DAP3: variants seen among roughly 807,000 people sequenced by gnomAD.
DAP3 encodes the protein small ribosomal subunit protein mS29.
Under a neutral mutation model 51.9 loss-of-function variants are expected in DAP3, and 28 were observed. The ratio of observed to expected loss-of-function variants is 0.54; its 90% CI spans 0.40 to 0.74. The LOEUF is 0.74. Ranked by LOEUF, DAP3 falls within the 30% of genes least tolerant of loss-of-function variation. The probability of loss-of-function intolerance (pLI) is 0.00; values close to 1 mark genes in which losing one functional copy is unlikely to be tolerated. For missense variants in DAP3, 458 were observed against 483.5 expected (o/e 0.95, Z 0.49); for synonymous variants, 170 against 170.3 (o/e 1.00, Z 0.01).
chr1:155,730,763 A>G (rs1659156219), intron 9 of DAP3, among the ~76,000 whole-genome samples: 3 of 152,180 alleles, frequency 2.0e-5, no homozygotes, highest in Admixed American at 2.0e-4. Context: ...CTTAATTTTT[A>G]TCTGTCTTTT....
At chr1:155,712,662 G>GTT (rs1656866682) in intron 2 of DAP3, among the ~76,000 whole-genome samples, 2 of 145,604 alleles carry the variant, frequency 1.4e-5, no homozygotes, top group Non-Finnish European at 3.0e-5. Flanking sequence ...CTTTTAATTT[G>GTT]CTTCAAAAAG....
intron 1 of DAP3, among the ~76,000 whole-genome samples, chr1:155,707,932 C>T (rs1415298599): frequency 6.6e-6 from 1 of 152,168 alleles, no homozygotes; most frequent in African/African-American, 2.4e-5. Context: ...TTATGACTGT[C>T]TCTATCTACT....
rs117182857 is a variant in DAP3 at position 155,689,104 on chromosome 1, G to T, written c.-78G>T. 3.6e-5 allele frequency: 46 copies of T among 1,293,814 alleles called. No homozygotes were observed. In the South Asian group the frequency reaches 4.0e-4, roughly 11 times the overall value. The allele number at this position is 1,293,814 out of a possible 1,614,324, so 80.1% of individuals were successfully genotyped here. ...CGACCCTTTTTTGCAGTCTCAGGACGGGCGCTTTGGAGCCGGCCCCAGGCA... is the reference window on the plus strand; with the variant it reads ...CGACCCTTTTTTGCAGTCTCAGGACTGGCGCTTTGGAGCCGGCCCCAGGCA... On this transcript the variant is annotated 5_prime_UTR_variant, in exon 1 of 13. Transcript: ENST00000368336.
intron 11 of DAP3, among the ~76,000 whole-genome samples, chr1:155,734,880 A>G (rs980005883): frequency 3.3e-5 from 5 of 152,196 alleles, no homozygotes; most frequent in Admixed American, 1.3e-4. Context: ...CTGTAACTCT[A>G]ATCTAAAATA....
chr1:155,706,857 C>G (rs1447949884), intron 1 of DAP3, among the ~76,000 whole-genome samples: 2 of 151,824 alleles, frequency 1.3e-5, no homozygotes, highest in African/African-American at 4.8e-5. Flanking sequence ...CTTTGAGAGG[C>G]CTAGGCAGGT....
intron 4 of DAP3, 122 bp from the exon 5 acceptor site, chr1:155,725,260 T>C: frequency 2.6e-6 from 2 of 760,238 alleles, no homozygotes. Flanking sequence ...TTCTCCTAAC[T>C]GAGTAAATTA....
Position 155,689,229 on chromosome 1 carries a change from C to T in DAP3, c.-8+55C>T. On this transcript the variant is annotated intron_variant, in intron 1 of 12. Coordinates refer to ENST00000368336, the MANE Select transcript of DAP3 (RefSeq NM_004632.4). ...ACCGCTGAGGGAAAGGAGCGGGACT[C>T]CGGACCTCCAGGAGGTAGGGAGTGA... The T allele has an allele frequency of 8.7e-6, 6 of 691,426 alleles. No individual in the cohort carries two copies. In the East Asian group the frequency reaches 1.1e-4, roughly 13 times the overall value. The allele number at this position is 691,426 out of a possible 1,614,324, so 42.8% of individuals were successfully genotyped here. A position where few individuals can be genotyped will look rare whatever the true frequency, so the allele number is the denominator to read the frequency against.
At chr1:155,721,917 G>A (rs1658065816) in intron 4 of DAP3, 1 of 490,582 alleles carries the variant, frequency 2.0e-6, no homozygotes, top group Non-Finnish European at 3.6e-6. Context: ...TTAATATGCT[G>A]CACAAAAGCA....
intron 2 of DAP3, among the ~76,000 whole-genome samples, chr1:155,712,402 C>G (rs1457445407): frequency 6.6e-6 from 1 of 152,058 alleles, no homozygotes; most frequent in Non-Finnish European, 1.5e-5. Flanking sequence ...CACCTGAGGT[C>G]GGGAGTTCGA....
rs1283859728 is a variant in DAP3 at position 155,721,599 on chromosome 1, C to T, written c.251C>T (p.Pro84Leu). The T allele has an allele frequency of 6.2e-7, 1 of 1,614,066 alleles. No homozygotes were observed. Among genetic ancestry groups the T allele is most frequent in the South Asian group, 1.1e-5 (1 of 91,072 alleles). Residue 84 changes from proline to leucine, a missense_variant, in exon 4 of 13, where the codon CCT becomes CTT. Pro to Leu is a moderately conservative substitution (Grantham distance 98, BLOSUM62 -3). Coordinates refer to ENST00000368336, the MANE Select transcript of DAP3 (RefSeq NM_004632.4). ...DLETVFPHGL[P>L]PRFVMQVKTF... is the part of the protein sequence containing the mutation. ...GAGACTGTATTTCCCCATGGCCTTC[C>T]TCCTCGCTTTGTGATGCAGGTGCTC... is the stretch of plus-strand genomic sequence containing the variant.
intron 1 of DAP3, among the ~76,000 whole-genome samples, chr1:155,707,330 G>A (rs938724350): frequency 2.1e-5 from 3 of 144,068 alleles, no homozygotes; most frequent in East Asian, 2.2e-4. Flanking sequence ...GGAGAATGGC[G>A]TGAACCCGGG....
In DAP3 at chr1:155,728,975, A is replaced by G. The variant is rs1658910490; in HGVS notation, c.604-67A>G. On this transcript the variant is annotated intron_variant, in intron 7 of 12. Transcript: ENST00000368336. Reference sequence around the variant, plus strand: ...TTAACCTTAGCCTCCAACCTTTTCAAGGGATGGTTTCACCCTTAGGCCAAG... The same window carrying G: ...TTAACCTTAGCCTCCAACCTTTTCAGGGGATGGTTTCACCCTTAGGCCAAG... 3 of 1,520,708 alleles carry G rather than the reference A, an allele frequency of 2.0e-6. No homozygotes were observed. In the East Asian group the frequency reaches 6.8e-5, roughly 34 times the overall value. 94.2% of individuals were successfully genotyped at this position (1,520,708 alleles called of 1,614,324 possible).
intron 2 of DAP3, among the ~76,000 whole-genome samples, chr1:155,711,309 A>G (rs1353019387): frequency 1.3e-5 from 2 of 152,110 alleles, no homozygotes; most frequent in Admixed American, 6.6e-5. Flanking sequence ...CCTGGCCAAC[A>G]TAGTGAAACC....
intron 11 of DAP3, among the ~76,000 whole-genome samples, chr1:155,732,814 G>A (rs1162895346): frequency 6.6e-6 from 1 of 151,982 alleles, no homozygotes; most frequent in African/African-American, 2.4e-5. Flanking sequence ...CATGAGGTCA[G>A]GAGATCGAGA....
At chr1:155,721,693 G>T in intron 4 of DAP3, 75 bp downstream of exon 4, 1 of 1,398,516 alleles carries the variant, frequency 7.2e-7, no homozygotes, top group Non-Finnish European at 1.0e-6. Context: ...GGGGCTAAAT[G>T]AGAAGAAAAT....
intron 1 of DAP3, among the ~76,000 whole-genome samples, chr1:155,704,289 A>G (rs1655685055): frequency 6.6e-6 from 1 of 152,238 alleles, no homozygotes; most frequent in South Asian, 2.1e-4. Context: ...AGCTGATTAC[A>G]CGTTCTGACC....
upstream of DAP3, chr1:155,689,029 G>T: frequency 1.9e-6 from 3 of 1,580,032 alleles, no homozygotes; most frequent in Non-Finnish European, 1.7e-6. Flanking sequence ...GCCGGCCGGT[G>T]GTTGGAGGCC....
At chr1:155,688,399 C>G (rs1030099653), upstream of DAP3, 1 of 1,543,960 alleles carries the variant, frequency 6.5e-7, no homozygotes, top group African/African-American at 1.4e-5. Context: ...GCGACACCCC[C>G]AACCTCCCAC....
intron 2 of DAP3, chr1:155,710,141 T>C (rs945249499): frequency 4.4e-6 from 1 of 229,606 alleles, no homozygotes; most frequent in Non-Finnish European, 8.3e-6. Context: ...GCATCTAAAA[T>C]AGAATAAAAA....
Sources: gnomAD v4.1 joint callset for allele counts (sites outside exome capture counted in the v4.1 genomes callset) on GRCh38, gnomAD v4.1.1 for gene constraint, MANE v1.5 for transcripts, NCBI Gene and HGNC (gene_info 2026-07-23, HGNC 2026-07-21) for gene names.